ROBO2: variants seen among roughly 807,000 people sequenced by gnomAD.
ROBO2 encodes roundabout homolog 2.
A neutral mutation model predicts 160.8 loss-of-function variants in ROBO2; 53 were observed. The ratio of observed to expected loss-of-function variants is 0.33; its 90% CI spans 0.26 to 0.41. The LOEUF is 0.41. Ranked by LOEUF, ROBO2 falls within the 10% of genes least tolerant of loss-of-function variation. The pLI is 1.00. For synonymous variants in ROBO2, 664 were observed against 611.7 expected, an observed-to-expected ratio of 1.09 and a Z score of -1.26; for missense variants, 1,577 against 1,722.4, an observed-to-expected ratio of 0.92 and a Z score of 1.49.
At chr3:76,819,398 G>C (rs2065934009) in intron 2 of ROBO2, among the ~76,000 whole-genome samples, 1 of 152,058 alleles carries the variant, frequency 6.6e-6, no homozygotes, top group South Asian at 2.1e-4. Context: ...TAAACCTTCT[G>C]TTAAGCTACT....
intron 2 of ROBO2, among the ~76,000 whole-genome samples, chr3:76,930,513 G>A (rs1189816886): frequency 6.6e-6 from 1 of 152,032 alleles, no homozygotes; most frequent in Non-Finnish European, 1.5e-5. Context: ...TAATTATCAA[G>A]CTTACAGTCT....
chr3:77,255,267 A>C (rs146867490), intron 2 of ROBO2, among the ~76,000 whole-genome samples: 1 of 152,236 alleles, frequency 6.6e-6, no homozygotes, highest in Admixed American at 6.5e-5. Context: ...ATGTAAAGAA[A>C]AAAGTTGGTA....
intron 2 of ROBO2, among the ~76,000 whole-genome samples, chr3:76,112,937 A>G (rs1208620494): frequency 6.6e-6 from 1 of 152,094 alleles, no homozygotes; most frequent in Non-Finnish European, 1.5e-5. Context: ...TTAAAAATAA[A>G]TTTTCAATAG....
intron 2 of ROBO2, among the ~76,000 whole-genome samples, chr3:77,251,523 T>G (rs1039473619): frequency 1.3e-5 from 2 of 152,170 alleles, no homozygotes; most frequent in African/African-American, 4.8e-5. Context: ...TATCTCTTTA[T>G]CCTGATGAAG....
rs965574700 is a variant in ROBO2 at position 76,304,022 on chromosome 3, A to AT, written c.109+366427dup. 1.2e-4 allele frequency among the ~76,000 whole-genome samples: 19 copies of AT among 152,320 alleles called. No homozygotes were observed. In the East Asian group the frequency reaches 2.3e-3, roughly 19 times the overall value. ...TTCTCGATAACAGTGAAAATAAGTG[A>AT]TTTTTTTGTATTTAGGTAGATATTT... is the stretch of plus-strand genomic sequence containing the variant. On this transcript the variant is annotated intron_variant, in intron 2 of 26. Coordinates refer to the ROBO2 transcript ENST00000487694.
At chr3:77,219,489 GTATATA>G (rs10654899) in intron 2 of ROBO2, among the ~76,000 whole-genome samples, 100 of 111,474 alleles carry the variant, frequency 9.0e-4, no homozygotes, top group African/African-American at 2.9e-3. Flanking sequence ...TATATAATCT[GTATATA>G]TATATATATA....
At chr3:75,949,295 A>T (rs577063621) in intron 2 of ROBO2, among the ~76,000 whole-genome samples, 1 of 151,764 alleles carries the variant, frequency 6.6e-6, no homozygotes, top group East Asian at 1.9e-4. Flanking sequence ...TACTTTAGGG[A>T]TTCTTTCAAT....
At chr3:76,121,499 A>T (rs1231671540) in intron 2 of ROBO2, among the ~76,000 whole-genome samples, 1 of 152,180 alleles carries the variant, frequency 6.6e-6, no homozygotes, top group Non-Finnish European at 1.5e-5. Flanking sequence ...GAGGTTAGAC[A>T]ATTTCATTTA....
intron 2 of ROBO2, among the ~76,000 whole-genome samples, chr3:75,954,837 A>G (rs1383205238): frequency 6.6e-6 from 1 of 152,038 alleles, no homozygotes; most frequent in East Asian, 1.9e-4. Context: ...AAAACTTAGC[A>G]TAAGACCAAT....
intron 2 of ROBO2, among the ~76,000 whole-genome samples, chr3:76,352,579 A>G (rs1266874397): frequency 2.0e-5 from 3 of 152,124 alleles, no homozygotes; most frequent in East Asian, 3.9e-4. Flanking sequence ...TTTCTTTAGT[A>G]TAGTATTTGT....
At chr3:76,808,717 GA>G (rs1394830466) in intron 2 of ROBO2, among the ~76,000 whole-genome samples, 15 of 152,076 alleles carry the variant, frequency 9.9e-5, no homozygotes, top group Admixed American at 9.8e-4. Context: ...GACCTGCAGA[GA>G]GCAGTAAATC....
intron 4 of ROBO2, among the ~76,000 whole-genome samples, chr3:77,484,801 T>C (rs1390730647): frequency 6.6e-6 from 1 of 152,088 alleles, no homozygotes; most frequent in South Asian, 2.1e-4. Flanking sequence ...ATTTGAGTTA[T>C]TATAGTCATG....
intron 2 of ROBO2, among the ~76,000 whole-genome samples, chr3:76,533,638 T>A (rs1299267413): frequency 6.6e-6 from 1 of 152,184 alleles, no homozygotes; most frequent in East Asian, 1.9e-4. Context: ...AGGCTGCTTA[T>A]TCACTTGGGT....
chr3:76,515,746 G>T (rs1006884534), intron 2 of ROBO2, among the ~76,000 whole-genome samples: 1 of 152,126 alleles, frequency 6.6e-6, no homozygotes, highest in Non-Finnish European at 1.5e-5. Context: ...ACTCTAGAAA[G>T]AAAACCACTG....
chr3:76,113,712 C>T (rs2126536), intron 2 of ROBO2, among the ~76,000 whole-genome samples: 112 of 152,076 alleles, frequency 7.4e-4, no homozygotes, highest in Non-Finnish European at 1.4e-3. Context: ...AAGGCCAGAA[C>T]CCTCATAATA....
chr3:76,149,506 C>T (rs951732146), intron 2 of ROBO2, among the ~76,000 whole-genome samples: 9 of 151,822 alleles, frequency 5.9e-5, no homozygotes, highest in African/African-American at 2.2e-4. Context: ...CTGTCTGAAG[C>T]ACACATCTGT....
At chr3:77,420,241 C>T (rs1250979832) in intron 2 of ROBO2, among the ~76,000 whole-genome samples, 1 of 146,312 alleles carries the variant, frequency 6.8e-6, no homozygotes, top group Non-Finnish European at 1.5e-5. Context: ...TTTAAGGTAA[C>T]TATTTTACAG....
At chr3:76,196,919 C>T (rs1192039308) in intron 2 of ROBO2, among the ~76,000 whole-genome samples, 1 of 152,224 alleles carries the variant, frequency 6.6e-6, no homozygotes, top group East Asian at 1.9e-4. Context: ...AAAATAGACC[C>T]CATGATATGC....
intron 2 of ROBO2, among the ~76,000 whole-genome samples, chr3:76,269,632 AT>A (rs1707310990): frequency 1.3e-5 from 2 of 151,562 alleles, no homozygotes; most frequent in African/African-American, 4.8e-5. Flanking sequence ...TAAATCCATT[AT>A]TTCAACAAGC....
Sources: allele counts gnomAD v4.1 joint callset (sites outside exome capture counted in the v4.1 genomes callset), GRCh38; gene constraint gnomAD v4.1.1; transcripts MANE v1.5; gene names NCBI Gene and HGNC (gene_info 2026-07-23, HGNC 2026-07-21).